FAM83B: variants seen among roughly 807,000 people sequenced by gnomAD.
FAM83B encodes the protein protein FAM83B.
In FAM83B, 26 loss-of-function variants were observed where a neutral mutation model predicts 38.8. That is an observed-to-expected ratio of 0.67 (90% CI 0.49 to 0.93). The LOEUF (loss-of-function observed/expected upper bound fraction) is 0.93, where lower values mean the gene tolerates loss of function less well. Ranked by LOEUF, FAM83B falls within the 40% of genes least tolerant of loss-of-function variation. The probability of loss-of-function intolerance (pLI) is 0.00; values close to 1 mark genes in which losing one functional copy is unlikely to be tolerated. For missense variants in FAM83B, 1,237 were observed against 1,197.3 expected (o/e 1.03, Z -0.49); for synonymous variants, 419 against 423.1 (o/e 0.99, Z 0.12).
At chr6:54,851,642 T>G (rs1015917288) in intron 1 of FAM83B, among the ~76,000 whole-genome samples, 5 of 139,476 alleles carry the variant, frequency 3.6e-5, no homozygotes, top group African/African-American at 1.4e-4. Context: ...CCGGCTAATT[T>G]TTGTGTTTTT....
intron 1 of FAM83B, among the ~76,000 whole-genome samples, chr6:54,849,771 A>C (rs1771228930): frequency 1.3e-5 from 2 of 151,782 alleles, no homozygotes; most frequent in South Asian, 4.2e-4. Context: ...CTAAGGGCAC[A>C]TGACATTTAT....
At chr6:54,935,545 G>A (rs185070666) in intron 4 of FAM83B, among the ~76,000 whole-genome samples, 149 of 152,214 alleles carry the variant, frequency 9.8e-4, no homozygotes, top group African/African-American at 3.5e-3. Context: ...ATTAAGCAAG[G>A]GAAGAGCTAT....
intron 2 of FAM83B, among the ~76,000 whole-genome samples, chr6:54,872,984 T>G (rs1406647661): frequency 1.7e-5 from 2 of 120,702 alleles, no homozygotes; most frequent in Non-Finnish European, 3.5e-5. Flanking sequence ...TTCGATTTGG[T>G]GCACATGGTT....
chr6:54,931,400 A>G (rs1283086418), intron 4 of FAM83B, among the ~76,000 whole-genome samples: 1 of 151,966 alleles, frequency 6.6e-6, no homozygotes, highest in Non-Finnish European at 1.5e-5. Flanking sequence ...TCCTACTAAT[A>G]CTGTGTTGCT....
At chr6:54,862,755 G>A (rs1353339925) in intron 1 of FAM83B, among the ~76,000 whole-genome samples, 1 of 151,814 alleles carries the variant, frequency 6.6e-6, no homozygotes, top group Non-Finnish European at 1.5e-5. Context: ...ATGGCAGTGT[G>A]TGCCTGTAGT....
chr6:54,875,898 A>G (rs1238760083), intron 2 of FAM83B, among the ~76,000 whole-genome samples: 2 of 152,204 alleles, frequency 1.3e-5, no homozygotes, highest in Non-Finnish European at 2.9e-5. Flanking sequence ...GTGGTGCTAT[A>G]CAGAGAGACA....
intron 1 of FAM83B, among the ~76,000 whole-genome samples, chr6:54,860,043 TTGTGTGTGTGTG>T (rs61235878): frequency 1.3e-5 from 2 of 150,496 alleles, no homozygotes; most frequent in Non-Finnish European, 3.0e-5. Flanking sequence ...ACCACCCTCA[TTGTGTGTGTGTG>T]TGTGTGTGTG....
Position 54,941,374 on chromosome 6 carries a change from T to C in FAM83B, c.2403T>C (p.Cys801=). ...KNKAPAFYRL[C]SSSDTLVSEG... is the part of the protein sequence containing the mutation. Reference sequence around the variant, plus strand: ...AAGCACCTGCCTTTTATAGATTGTGTAGTAGCTCTGACACATTAGTTTCTG... The same window carrying C: ...AAGCACCTGCCTTTTATAGATTGTGCAGTAGCTCTGACACATTAGTTTCTG... Residue 801 remains cysteine (C), a synonymous_variant, in exon 5 of 5, where the codon TGT becomes TGC. Transcript: ENST00000306858. 6.2e-7 allele frequency: 1 copy of C among 1,613,634 alleles called. No individual in the cohort carries two copies. The highest frequency in any genetic ancestry group is 1.3e-5 in the African/African-American group (1 of 74,990).
chr6:54,885,450 T>G (rs1313816468), intron 2 of FAM83B, among the ~76,000 whole-genome samples: 2 of 152,158 alleles, frequency 1.3e-5, no homozygotes, highest in Admixed American at 1.3e-4. Context: ...ATATATTTTT[T>G]GTATATTGAC....
chr6:54,911,160 T>TGTGA (rs1466149484), intron 2 of FAM83B, among the ~76,000 whole-genome samples: 114 of 151,894 alleles, frequency 7.5e-4, no homozygotes, highest in African/African-American at 2.7e-3. Context: ...TGTGTGTGTG[T>TGTGA]GTGTGTATGT....
chr6:54,857,726 T>C (rs79319229), intron 1 of FAM83B, among the ~76,000 whole-genome samples: 6,285 of 151,800 alleles, frequency 0.041, 379 homozygotes, highest in African/African-American at 0.13. Context: ...CTGAAGGGGG[T>C]ACAGGAAATA....
intron 2 of FAM83B, among the ~76,000 whole-genome samples, chr6:54,886,537 A>C (rs1387204363): frequency 2.2e-4 from 33 of 151,920 alleles, no homozygotes; most frequent in Admixed American, 2.2e-3. Flanking sequence ...TTTTACAGGA[A>C]CACCTGAGTT....
intron 2 of FAM83B, among the ~76,000 whole-genome samples, chr6:54,892,693 A>AAT (rs1487300775): frequency 1.3e-5 from 2 of 149,214 alleles, no homozygotes; most frequent in Admixed American, 6.7e-5. Flanking sequence ...TATATACATA[A>AAT]ATATATATAT....
chr6:54,857,759 T>C (rs1342109052), intron 1 of FAM83B, among the ~76,000 whole-genome samples: 1 of 152,178 alleles, frequency 6.6e-6, no homozygotes, highest in Non-Finnish European at 1.5e-5. Flanking sequence ...ATATTTTACT[T>C]ACTTCACATA....
At chr6:54,907,929 G>A (rs1772810494) in intron 2 of FAM83B, among the ~76,000 whole-genome samples, 2 of 152,002 alleles carry the variant, frequency 1.3e-5, no homozygotes, top group South Asian at 4.1e-4. Context: ...GGAATGACAT[G>A]AGACAGATAT....
At chr6:54,911,140 C>CGTGTGTGTGT (rs138421344) in intron 2 of FAM83B, among the ~76,000 whole-genome samples, 45,764 of 147,276 alleles carry the variant, frequency 0.31, 7,985 homozygotes, top group East Asian at 0.75. Flanking sequence ...TGACACACAG[C>CGTGTGTGTGT]GTGTGTGTGT....
chr6:54,877,084 G>T (rs1198507965), intron 2 of FAM83B, among the ~76,000 whole-genome samples: 1 of 152,140 alleles, frequency 6.6e-6, no homozygotes, highest in African/African-American at 2.4e-5. Flanking sequence ...GTAGAAATTA[G>T]CAGTTTTACA....
At position 54,870,534 on chromosome 6, in the gene FAM83B, G is replaced by A. The variant is rs1276149375; in HGVS notation, c.288G>A (p.Glu96=). 5.6e-6 allele frequency: 9 copies of A among 1,613,948 alleles called. No individual in the cohort carries two copies. The highest frequency in any genetic ancestry group is 1.1e-5 in the South Asian group (1 of 91,080). Residue 96 remains glutamate, a synonymous_variant, in exon 2 of 5, where the codon GAG becomes GAA. Transcript: ENST00000306858. The part of the protein sequence containing the change: ...TLSSGTYWPV[E]SDVEAPNLDL... The stretch of plus-strand genomic sequence containing the variant: ...CTTCAGGGACCTACTGGCCTGTTGA[G>A]TCTGATGTGGAAGCTCCAAATCTTG...
At chr6:54,885,697 C>T (rs1301504842) in intron 2 of FAM83B, among the ~76,000 whole-genome samples, 4 of 152,008 alleles carry the variant, frequency 2.6e-5, no homozygotes, top group East Asian at 3.9e-4. Context: ...AACCATCATT[C>T]TCAGCAAACT....
Sources: allele counts gnomAD v4.1 joint callset (sites outside exome capture counted in the v4.1 genomes callset), GRCh38; gene constraint gnomAD v4.1.1; transcripts MANE v1.5; gene names NCBI Gene and HGNC (gene_info 2026-07-23, HGNC 2026-07-21).